The following SH3GL3 variants were observed in gnomAD, a reference collection of about 807,000 sequenced individuals.
SH3GL3 encodes SH3 domain containing GRB2 like 3, endophilin A3.
Under a neutral mutation model 47.7 loss-of-function variants are expected in SH3GL3, and 33 were observed. That is an observed-to-expected ratio of 0.69 (90% CI 0.52 to 0.92). The LOEUF is 0.92. Among genes scored for constraint, SH3GL3 ranks in the 40% least tolerant of loss-of-function variants. The pLI is 0.00. For synonymous variants in SH3GL3, 155 were observed against 148.8 expected (o/e 1.04, Z -0.30); for missense variants, 363 against 417.8 (o/e 0.87, Z 1.14).
intron 1 of SH3GL3, among the ~76,000 whole-genome samples, chr15:83,551,306 G>A (rs2044657411): frequency 6.6e-6 from 1 of 152,128 alleles, no homozygotes; most frequent in Admixed American, 6.5e-5. Flanking sequence ...CTTTTCCACT[G>A]GGGGAAGAAC....
intron 8 of SH3GL3, among the ~76,000 whole-genome samples, chr15:83,590,931 A>T (rs78879676): frequency 6.6e-6 from 1 of 152,182 alleles, no homozygotes; most frequent in Non-Finnish European, 1.5e-5. Context: ...ATGAAGTCCA[A>T]TGTATTCATG....
chr15:83,583,239 C>G (rs564044325), intron 6 of SH3GL3, among the ~76,000 whole-genome samples: 1 of 152,324 alleles, frequency 6.6e-6, no homozygotes, highest in East Asian at 1.9e-4. Context: ...ACAGTTCTCT[C>G]TCTGTCCTCG....
chr15:83,477,524 T>C (rs1243807630), intron 1 of SH3GL3, among the ~76,000 whole-genome samples: 4 of 152,230 alleles, frequency 2.6e-5, no homozygotes, highest in Admixed American at 6.5e-5. Flanking sequence ...AATTAATTGA[T>C]CATCATCATA....
intron 1 of SH3GL3, among the ~76,000 whole-genome samples, chr15:83,501,711 G>C (rs1179559684): frequency 6.6e-6 from 1 of 152,084 alleles, no homozygotes; most frequent in Non-Finnish European, 1.5e-5. Flanking sequence ...GGCCAACATG[G>C]TGAAACCCTG....
the SH3GL3 span, among the ~76,000 whole-genome samples, chr15:83,625,957 C>T: frequency 3.9e-5 from 6 of 152,154 alleles, no homozygotes; most frequent in East Asian, 5.8e-4. Flanking sequence ...CTCAGCCTCC[C>T]GAGTAGCCGG....
At chr15:83,492,444 G>T (rs752561711) in intron 1 of SH3GL3, among the ~76,000 whole-genome samples, 2 of 151,976 alleles carry the variant, frequency 1.3e-5, no homozygotes, top group African/African-American at 4.8e-5. Context: ...CGGGGGAAGT[G>T]GTGTTAATGA....
chr15:83,608,836 CGAAGCTTCTAGGA>C (rs2060593944), intron 8 of SH3GL3, among the ~76,000 whole-genome samples: 1 of 146,872 alleles, frequency 6.8e-6, no homozygotes, highest in Non-Finnish European at 1.5e-5. Context: ...GTTCTGGGAT[CGAAGCTTCTAGGA>C]GACTTGGGGT....
chr15:83,569,294 C>T (rs990385920), intron 4 of SH3GL3, among the ~76,000 whole-genome samples: 1 of 152,134 alleles, frequency 6.6e-6, no homozygotes, highest in Non-Finnish European at 1.5e-5. Context: ...TTTGGTAACA[C>T]TGACTATATA....
At chr15:83,509,505 GA>G (rs968576229) in intron 1 of SH3GL3, among the ~76,000 whole-genome samples, 39 of 152,304 alleles carry the variant, frequency 2.6e-4, no homozygotes, top group African/African-American at 9.1e-4. Flanking sequence ...TCAATAGTGG[GA>G]GAAAGGAAGA....
chr15:83,582,071 G>A (rs2059843058), intron 6 of SH3GL3, among the ~76,000 whole-genome samples: 1 of 152,224 alleles, frequency 6.6e-6, no homozygotes, highest in Non-Finnish European at 1.5e-5. Context: ...AAAGTCAGCA[G>A]ACTGGTTACC....
chr15:83,459,401 G>A (rs968632969), intron 1 of SH3GL3, among the ~76,000 whole-genome samples: 1 of 152,170 alleles, frequency 6.6e-6, no homozygotes, highest in Admixed American at 6.5e-5. Flanking sequence ...GAAAATGATG[G>A]CAGGTCTAAG....
the SH3GL3 span, among the ~76,000 whole-genome samples, chr15:83,631,849 G>A: frequency 1.3e-5 from 2 of 152,160 alleles, no homozygotes; most frequent in African/African-American, 4.8e-5. Context: ...ATTAACATTC[G>A]GCTCCTTATT....
Position 83,447,634 on chromosome 15 carries a change from C to T in SH3GL3, c.45+56C>T, listed in dbSNP as rs2151479530. 2.3e-6 allele frequency: 3 copies of T among 1,317,006 alleles called. No homozygotes were observed. Among genetic ancestry groups the T allele is most frequent in the South Asian group, 1.4e-5 (1 of 69,316 alleles). The allele number at this position is 1,317,006 out of a possible 1,614,324, so 81.6% of individuals were successfully genotyped here. A position where few individuals can be genotyped will look rare whatever the true frequency, so the allele number is the denominator to read the frequency against. On this transcript the variant is annotated intron_variant, in intron 1 of 8. Coordinates refer to ENST00000427482, the MANE Select transcript of SH3GL3 (RefSeq NM_003027.5). This position sits in a 1 kb window ranked among gnomAD's most constrained non-coding sequence, Gnocchi z 5.1. The stretch of plus-strand genomic sequence containing the variant: ...GGGGGACGCGGAGGCTGCGGCCCCC[C>T]GAGGCTCCCGGGCCTTTGGGACTCC...
At chr15:83,449,478 C>G (rs1021642365) in intron 1 of SH3GL3, among the ~76,000 whole-genome samples, 3 of 152,192 alleles carry the variant, frequency 2.0e-5, no homozygotes, top group African/African-American at 7.2e-5. Context: ...CTTTTGAAAA[C>G]TTTTCCTTTA....
chr15:83,523,062 A>G (rs1420784278), intron 1 of SH3GL3, among the ~76,000 whole-genome samples: 4 of 152,358 alleles, frequency 2.6e-5, no homozygotes, highest in Non-Finnish European at 5.9e-5. Context: ...ATAGATTTAC[A>G]TGTGATGTTT....
chr15:83,517,775 G>A (rs2043046532), intron 1 of SH3GL3, among the ~76,000 whole-genome samples: 1 of 151,934 alleles, frequency 6.6e-6, no homozygotes, highest in Admixed American at 6.6e-5. Flanking sequence ...AGATTCAGGG[G>A]GTACATGTGC....
chr15:83,467,928 C>T lies in SH3GL3; in HGVS notation c.45+20350C>T, dbSNP rs746804577. Among the ~76,000 whole-genome samples the T allele has an allele frequency of 1.4e-3, 219 of 152,078 alleles. 2 individuals are homozygous for T. The highest frequency in any genetic ancestry group is 1.6e-3 in the Non-Finnish European group (112 of 68,008). Reference sequence around the variant, plus strand: ...CTGCAAGCTCTGCCTCCCGGGTTGACGCCATTCTCCTGCCTCAGCCTCCCG... The same window carrying T: ...CTGCAAGCTCTGCCTCCCGGGTTGATGCCATTCTCCTGCCTCAGCCTCCCG... On this transcript the variant is annotated intron_variant, in intron 1 of 8. Transcript: ENST00000427482.
At chr15:83,556,259 T>G (rs2044954181) in intron 1 of SH3GL3, among the ~76,000 whole-genome samples, 1 of 152,260 alleles carries the variant, frequency 6.6e-6, no homozygotes, top group South Asian at 2.1e-4. Context: ...ATTTGTTCAT[T>G]GACTGACCTC....
intron 1 of SH3GL3, among the ~76,000 whole-genome samples, chr15:83,481,611 T>G (rs962618727): frequency 1.3e-5 from 2 of 152,212 alleles, no homozygotes; most frequent in Non-Finnish European, 2.9e-5. Context: ...ATGCAATCTT[T>G]AATCATATAT....
Sources: allele counts gnomAD v4.1 joint callset (sites outside exome capture counted in the v4.1 genomes callset), GRCh38; gene constraint gnomAD v4.1.1; non-coding constraint Gnocchi (gnomAD v3.1); transcripts MANE v1.5; gene names NCBI Gene and HGNC (gene_info 2026-07-23, HGNC 2026-07-21).